Variants in FHAD1 observed in about 807,000 individuals in gnomAD.
FHAD1 encodes the protein forkhead associated phosphopeptide binding domain 1.
In FHAD1, 146 loss-of-function variants were observed where a neutral mutation model predicts 191.3. That is an observed-to-expected ratio of 0.76 (90% confidence interval 0.67 to 0.88). The LOEUF (loss-of-function observed/expected upper bound fraction) is 0.88. Among genes scored for constraint, FHAD1 ranks in the 40% least tolerant of loss-of-function variants. The pLI is 0.00. For synonymous variants in FHAD1, 616 were observed against 672.3 expected, an observed-to-expected ratio of 0.92 and a Z score of 1.29; for missense variants, 1,635 against 1,785.8, an observed-to-expected ratio of 0.92 and a Z score of 1.52.
rs1005584136 is a variant in FHAD1, at chr1:15,325,368, A to T, written c.1473+809A>T. On this transcript the variant is annotated intron_variant, in intron 11 of 33. Coordinates refer to ENST00000688493, the MANE Select transcript of FHAD1 (RefSeq NM_001391957.1). The surrounding 1 kb of genome is among the most constrained non-coding windows in gnomAD (Gnocchi z 4.6). The stretch of plus-strand genomic sequence containing the variant: ...GTATTACTGGGAAGGAGGGCCCCCC[A>T]TGTCTCCCACTGGGTTCTCAGGAGG... 2.0e-5 allele frequency: 3 copies of T among 151,976 alleles called. No individual in the cohort carries two copies. The highest frequency in any genetic ancestry group is 7.3e-5 in the African/African-American group (3 of 41,330). 9.4% of individuals were successfully genotyped at this position (151,976 alleles called of 1,614,324 possible).
chr1:15,255,267 T>G (rs1647451684), intron 2 of FHAD1, among the ~76,000 whole-genome samples: 1 of 152,228 alleles, frequency 6.6e-6, no homozygotes, highest in Admixed American at 6.5e-5. Flanking sequence ...CTTTTTTGCT[T>G]ATTGATATTA....
At position 15,308,623 on chromosome 1, in the gene FHAD1, TAC is replaced by T. The variant is rs1671295787; in HGVS notation, c.928_929del (p.Gln310GlufsTer24). 2.6e-6 allele frequency: 4 copies of T among 1,551,578 alleles called. No individual in the cohort carries two copies. Among genetic ancestry groups the T allele is most frequent in the Non-Finnish European group, 3.5e-6 (4 of 1,146,976 alleles). On this transcript the variant is annotated frameshift_variant, in exon 7 of 34. Transcript: ENST00000688493. LOFTEE classifies it high-confidence loss of function. ...CACCTCCTCCCACAGATCAGTGCCC[TAC>T]AGAAAGGCTACAGCAAGGTGCTGTG...
chr1:15,362,541 G>A (rs1385850290), intron 22 of FHAD1, 101 bp from the exon 23 acceptor site: 3 of 920,094 alleles, frequency 3.3e-6, no homozygotes, highest in Non-Finnish European at 5.2e-6. Context: ...AGGGCTGCAG[G>A]TGGAGGCAGG....
At chr1:15,347,982 C>G (rs1316365324) in intron 18 of FHAD1, among the ~76,000 whole-genome samples, 2 of 152,158 alleles carry the variant, frequency 1.3e-5, no homozygotes, top group African/African-American at 4.8e-5. Context: ...GAAGGCCTGG[C>G]GAGTGTAGAC....
chr1:15,394,796 G>T (rs1440638227), intron 33 of FHAD1, among the ~76,000 whole-genome samples: 1 of 152,158 alleles, frequency 6.6e-6, no homozygotes, highest in East Asian at 1.9e-4. Flanking sequence ...CAGCCCTCTT[G>T]CCCCAGGTGT....
rs1265700104 is a variant in FHAD1, at chr1:15,251,727, G to C, written c.-14-44G>C. On this transcript the variant is annotated intron_variant, in intron 1 of 33. Coordinates refer to ENST00000688493, the MANE Select transcript of FHAD1 (RefSeq NM_001391957.1). ...AGTATGATGTTGTTGAATAATTAGA[G>C]AACTACATTTTCTAACAAAATTCTT... 30 of 1,409,356 alleles carry C rather than the reference G, an allele frequency of 2.1e-5. No homozygotes were observed. In the East Asian group the frequency reaches 7.2e-4, roughly 34 times the overall value. 87.3% of individuals were successfully genotyped at this position (1,409,356 alleles called of 1,614,324 possible). A position where few individuals can be genotyped will look rare whatever the true frequency, so the allele number is the denominator to read the frequency against.
chr1:15,293,543 C>A (rs574895194), intron 4 of FHAD1, among the ~76,000 whole-genome samples: 2 of 152,094 alleles, frequency 1.3e-5, no homozygotes, highest in Non-Finnish European at 2.9e-5. Context: ...CATGGTGAAA[C>A]CCCATCTCTA....
At chr1:15,294,398 C>T (rs973634833) in intron 4 of FHAD1, among the ~76,000 whole-genome samples, 4 of 152,010 alleles carry the variant, frequency 2.6e-5, no homozygotes, top group South Asian at 2.1e-4. Context: ...GGGGCTGTCC[C>T]GTGCATTGTT....
At chr1:15,337,449 G>A (rs753940285) in intron 14 of FHAD1, among the ~76,000 whole-genome samples, 19 of 152,154 alleles carry the variant, frequency 1.2e-4, no homozygotes, top group South Asian at 4.1e-4. Flanking sequence ...ATACCTGGGC[G>A]TCTCTCGGGC....
chr1:15,388,757 T>C (rs2103080480), intron 32 of FHAD1, among the ~76,000 whole-genome samples: 1 of 152,026 alleles, frequency 6.6e-6, no homozygotes, highest in Admixed American at 6.5e-5. Context: ...TGAGATACAA[T>C]GGATGGATGC....
chr1:15,338,522 C>T (rs1201402673), intron 14 of FHAD1, among the ~76,000 whole-genome samples: 1 of 152,226 alleles, frequency 6.6e-6, no homozygotes, highest in Non-Finnish European at 1.5e-5. Context: ...ATCTCGAAAT[C>T]CTTAACTTAA....
Position 15,352,875 on chromosome 1 carries a change from A to G in FHAD1, c.2455-2A>G, listed in dbSNP as rs1430695941. 2 of 1,550,666 alleles carry G rather than the reference A, an allele frequency of 1.3e-6. No individual in the cohort carries two copies. Among genetic ancestry groups the G allele is most frequent in the East Asian group, 2.4e-5 (1 of 40,890 alleles). On this transcript the variant is annotated splice_acceptor_variant, in intron 19 of 33. Coordinates refer to ENST00000688493, the MANE Select transcript of FHAD1 (RefSeq NM_001391957.1). LOFTEE classifies it high-confidence loss of function. ...CCTCAAACCACTTTCATTGACTTCC[A>G]GATCTCAGAGAGCAACATTGCGTAC... is the stretch of plus-strand genomic sequence containing the variant.
At chr1:15,274,228 AT>A (rs1291109728) in intron 3 of FHAD1, among the ~76,000 whole-genome samples, 2 of 152,148 alleles carry the variant, frequency 1.3e-5, no homozygotes, top group Non-Finnish European at 2.9e-5. Context: ...GGGGAGGGGT[AT>A]TTTGTTTTAA....
intron 27 of FHAD1, 24 bp downstream of exon 27, chr1:15,374,655 G>A: frequency 6.5e-7 from 1 of 1,550,036 alleles, no homozygotes; most frequent in Non-Finnish European, 8.7e-7. Context: ...TTCCTAGTCA[G>A]AGCAGTGGAC....
In FHAD1 at chr1:15,258,582, C is replaced by CTT. The variant is rs779893446; in HGVS notation, c.93+6706_93+6707insTT. ...CATGAGTGTCCAGATATCTCTGTCT[C>CTT]TCTTTTTTTTTTTTTTAATGGAGTC... On this transcript the variant is annotated intron_variant, in intron 2 of 33. Transcript: ENST00000688493. Among the ~76,000 whole-genome samples, 11 of 139,322 alleles carry CTT rather than the reference C, an allele frequency of 7.9e-5. 1 individual carries two copies. The highest frequency in any genetic ancestry group is 2.9e-4 in the Admixed American group (4 of 13,678). 91.4% of individuals were successfully genotyped at this position (139,322 alleles called of 152,430 possible).
rs939868979 is a variant in FHAD1 at position 15,312,284 on chromosome 1, G to A, written c.1040-773G>A. On this transcript the variant is annotated intron_variant, in intron 7 of 33. Transcript: ENST00000688493. The surrounding 1 kb of genome is among the most constrained non-coding windows in gnomAD (Gnocchi z 4.7). ...ACCACATATACTTGTGGGTGGCAGG[G>A]AATAAACACTATGTGTTAGCCACTC... 6.6e-6 allele frequency: 1 copy of A among 152,174 alleles called. No individual in the cohort carries two copies. The highest frequency in any genetic ancestry group is 2.4e-5 in the African/African-American group (1 of 41,422). The allele number at this position is 152,174 out of a possible 1,614,324, so 9.4% of individuals were successfully genotyped here.
At chr1:15,259,208 C>T (rs1028135004) in intron 2 of FHAD1, among the ~76,000 whole-genome samples, 8 of 152,006 alleles carry the variant, frequency 5.3e-5, no homozygotes, top group African/African-American at 1.2e-4. Flanking sequence ...ATAATACAAA[C>T]GGCCACACCC....
intron 2 of FHAD1, among the ~76,000 whole-genome samples, chr1:15,259,317 A>G (rs549730067): frequency 6.6e-6 from 1 of 152,332 alleles, no homozygotes; most frequent in African/African-American, 2.4e-5. Context: ...AAACAGCCCT[A>G]TCAGGCGAGA....
At chr1:15,304,988 A>G (rs1669999993) in intron 6 of FHAD1, among the ~76,000 whole-genome samples, 1 of 151,572 alleles carries the variant, frequency 6.6e-6, no homozygotes, top group Non-Finnish European at 1.5e-5. Context: ...GTCATATCTT[A>G]TGATATGCCT....
Sources: allele counts gnomAD v4.1 joint callset (sites outside exome capture counted in the v4.1 genomes callset), GRCh38; gene constraint gnomAD v4.1.1; non-coding constraint Gnocchi (gnomAD v3.1); transcripts MANE v1.5; gene names NCBI Gene and HGNC (gene_info 2026-07-23, HGNC 2026-07-21).